The following RBPJ variants were observed in gnomAD, a reference collection of about 807,000 sequenced individuals.
RBPJ encodes recombining binding protein suppressor of hairless.
A neutral mutation model predicts 67.8 loss-of-function variants in RBPJ; 9 were observed. That is an observed-to-expected ratio of 0.13 (90% CI 0.08 to 0.23). RBPJ has a LOEUF of 0.23. Ranked by LOEUF, RBPJ falls within the 10% of genes least tolerant of loss-of-function variation. The pLI, the probability that RBPJ is intolerant of heterozygous loss-of-function variation, is 1.00. For synonymous variants in RBPJ, 198 were observed against 203.3 expected (o/e 0.97, Z 0.22); for missense variants, 305 against 595.6 (o/e 0.51, Z 5.08).
At position 26,424,752 on chromosome 4, in the gene RBPJ, C is replaced by T. The variant is rs774539625; in HGVS notation, c.747+9C>T. 104 of 1,497,788 alleles carry T rather than the reference C, an allele frequency of 6.9e-5. No homozygotes were observed. The highest frequency in any genetic ancestry group is 6.3e-5 in the Non-Finnish European group (68 of 1,085,916). The allele number at this position is 1,497,788 out of a possible 1,614,324, so 92.8% of individuals were successfully genotyped here. A position where few individuals can be genotyped will look rare whatever the true frequency, so the allele number is the denominator to read the frequency against. ...TGGCACTCCCAAGATTGGTATGGCT[C>T]TACTTTTGCTTTAGTGATAATGTGA... On this transcript the variant is annotated intron_variant, in intron 7 of 10. Coordinates refer to ENST00000355476, the MANE Select transcript of RBPJ (RefSeq NM_015874.6). The surrounding 1 kb of genome is among the most constrained non-coding windows in gnomAD (Gnocchi z 5.3).
intron 1 of RBPJ, among the ~76,000 whole-genome samples, chr4:26,308,841 G>A (rs1226695346): frequency 2.0e-5 from 3 of 152,160 alleles, no homozygotes; most frequent in Non-Finnish European, 4.4e-5. Context: ...CTTTGAAAGA[G>A]TGATAAAGGC....
intron 5 of RBPJ, among the ~76,000 whole-genome samples, chr4:26,423,667 G>A (rs1050414408): frequency 6.6e-6 from 1 of 152,186 alleles, no homozygotes; most frequent in Non-Finnish European, 1.5e-5. Flanking sequence ...CTTTGTGTTT[G>A]TACTGAATAT....
At chr4:26,214,888 AG>A (rs377178467) in intron 1 of RBPJ, among the ~76,000 whole-genome samples, 42,331 of 91,524 alleles carry the variant, frequency 0.46, 10,242 homozygotes, top group East Asian at 0.57. Flanking sequence ...AAAAAGAGAG[AG>A]AAAAAAGAGA....
chr4:26,152,547 A>G, the RBPJ span, among the ~76,000 whole-genome samples: 3 of 152,250 alleles, frequency 2.0e-5, no homozygotes, highest in African/African-American at 7.2e-5. Flanking sequence ...TGCATAAACC[A>G]TGCTAAGTAC....
In RBPJ at chr4:26,291,596, A is replaced by G. The variant is rs962436976; in HGVS notation, c.-166-70850A>G. Among the ~76,000 whole-genome samples the G allele has an allele frequency of 1.2e-4, 18 of 147,306 alleles. 1 individual carries two copies. The highest frequency in any genetic ancestry group is 5.4e-4 in the Admixed American group (8 of 14,866). ...TATGAATGACTTTTTTTTTTTTTTG[A>G]GATGGAGTCTCGCTCTGTCGCCCAG... On this transcript the variant is annotated intron_variant, in intron 1 of 4. Coordinates refer to the RBPJ transcript ENST00000512351.
intron 1 of RBPJ, among the ~76,000 whole-genome samples, chr4:26,326,613 C>A (rs1471982636): frequency 1.3e-5 from 2 of 152,172 alleles, no homozygotes; most frequent in East Asian, 3.8e-4. Flanking sequence ...CTTTAAGCTT[C>A]AGGTTCTACC....
At chr4:26,382,773 TCACGCAGTCCACCC>T (rs2109611348) in intron 1 of RBPJ, among the ~76,000 whole-genome samples, 1 of 152,358 alleles carries the variant, frequency 6.6e-6, no homozygotes, top group East Asian at 1.9e-4. Flanking sequence ...ACTCCTGTGC[TCACGCAGTCCACCC>T]ACCTTGGCCT....
intron 1 of RBPJ, among the ~76,000 whole-genome samples, chr4:26,250,665 G>T (rs974094311): frequency 1.3e-5 from 2 of 152,008 alleles, no homozygotes; most frequent in African/African-American, 4.8e-5. Flanking sequence ...TTCATTGTCT[G>T]TATATACTAC....
At chr4:26,269,826 G>C (rs982540910) in intron 1 of RBPJ, among the ~76,000 whole-genome samples, 1 of 152,112 alleles carries the variant, frequency 6.6e-6, no homozygotes, top group African/African-American at 2.4e-5. Context: ...ACAGAGAAAA[G>C]AGTCAAAACT....
the RBPJ span, among the ~76,000 whole-genome samples, chr4:26,157,094 CA>C: frequency 2.7e-3 from 73 of 27,514 alleles, 1 homozygote; most frequent in African/African-American, 6.9e-3. Flanking sequence ...AACAAACAAA[CA>C]AACAAAAACA....
the RBPJ span, among the ~76,000 whole-genome samples, chr4:26,119,791 C>A: frequency 1.3e-5 from 2 of 152,182 alleles, no homozygotes; most frequent in East Asian, 3.9e-4. Context: ...TGATACAAAG[C>A]AGAACATAAA....
At chr4:26,272,994 C>T (rs1339802022) in intron 1 of RBPJ, among the ~76,000 whole-genome samples, 1 of 151,898 alleles carries the variant, frequency 6.6e-6, no homozygotes, top group African/African-American at 2.4e-5. Flanking sequence ...TTCATGAAGA[C>T]TGTATTAAGT....
At chr4:26,273,459 G>C (rs541456450) in intron 1 of RBPJ, among the ~76,000 whole-genome samples, 3 of 152,198 alleles carry the variant, frequency 2.0e-5, no homozygotes, top group Non-Finnish European at 4.4e-5. Flanking sequence ...AGCGTGGAGC[G>C]GGCCTCCCGG....
At chr4:26,150,925 G>T in the RBPJ span, among the ~76,000 whole-genome samples, 32 of 152,336 alleles carry the variant, frequency 2.1e-4, no homozygotes, top group African/African-American at 7.5e-4. Context: ...TGCCCTCCAA[G>T]ATGTAAAGAT....
intron 4 of RBPJ, among the ~76,000 whole-genome samples, chr4:26,419,004 G>A (rs1266709440): frequency 1.3e-5 from 2 of 152,066 alleles, no homozygotes; most frequent in African/African-American, 4.8e-5. Flanking sequence ...TTTGAGACAG[G>A]GTGCCACCGT....
At chr4:26,377,754 T>C (rs1729903111) in intron 1 of RBPJ, among the ~76,000 whole-genome samples, 1 of 152,264 alleles carries the variant, frequency 6.6e-6, no homozygotes, top group South Asian at 2.1e-4. Context: ...TGCCTTTCTC[T>C]GTTTTTATTT....
chr4:26,325,624 C>T (rs990705070), intron 1 of RBPJ, among the ~76,000 whole-genome samples: 2 of 152,170 alleles, frequency 1.3e-5, no homozygotes, highest in Non-Finnish European at 1.5e-5. Context: ...AGCAGAATTC[C>T]TGGCATGTAG....
chr4:26,121,643 A>T, the RBPJ span, among the ~76,000 whole-genome samples: 1 of 152,140 alleles, frequency 6.6e-6, no homozygotes, highest in Non-Finnish European at 1.5e-5. Flanking sequence ...AACCAGACGT[A>T]ATTACTCTGT....
chr4:26,161,326 A>T (rs1405910401), upstream of RBPJ, among the ~76,000 whole-genome samples: 1 of 152,260 alleles, frequency 6.6e-6, no homozygotes, highest in African/African-American at 2.4e-5. Context: ...CCCATGGTAG[A>T]TAAATGGTGA....
Sources: gnomAD v4.1 joint callset for allele counts (sites outside exome capture counted in the v4.1 genomes callset) on GRCh38, gnomAD v4.1.1 for gene constraint, Gnocchi (gnomAD v3.1) non-coding constraint, MANE v1.5 for transcripts, NCBI Gene and HGNC (gene_info 2026-07-23, HGNC 2026-07-21) for gene names.